The following MYH15 variants were observed in gnomAD, a reference collection of about 807,000 sequenced individuals.
MYH15 encodes the protein myosin heavy chain 15, also known as myosin-15.
Under a neutral mutation model 240.5 loss-of-function variants are expected in MYH15, and 227 were observed. The ratio of observed to expected loss-of-function variants is 0.94; its 90% CI spans 0.85 to 1.05. MYH15 has a LOEUF of 1.05. Among genes scored for constraint, MYH15 ranks in the 50% least tolerant of loss-of-function variants. MYH15 has a pLI of 0.00. For synonymous variants in MYH15, 785 were observed against 796.7 expected (o/e 0.99, Z 0.25); for missense variants, 2,217 against 2,247.5 (o/e 0.99, Z 0.27).
Position 108,492,669 on chromosome 3 carries a change from G to A in MYH15, c.776-74C>T. ...AATGTAGAAGAAAAGTAATCAGGCT[G>A]AGCGCAGTGGCTCACAACTGTAATC... On this transcript the variant is annotated intron_variant, in intron 8 of 40. Transcript: ENST00000693548. 4 of 1,064,768 alleles carry A rather than the reference G, an allele frequency of 3.8e-6. No individual in the cohort carries two copies. The South Asian group carries it at 4.2e-5, about 11-fold the overall frequency. The allele number at this position is 1,064,768 out of a possible 1,614,324, so 66.0% of individuals were successfully genotyped here. A position where few individuals can be genotyped will look rare whatever the true frequency, so the allele number is the denominator to read the frequency against.
intron 1 of MYH15, among the ~76,000 whole-genome samples, chr3:108,517,768 A>G (rs1384358112): frequency 1.3e-5 from 2 of 152,160 alleles, no homozygotes; most frequent in Non-Finnish European, 2.9e-5. Context: ...GCACCCGGCC[A>G]CCTTCTGATT....
intron 25 of MYH15, among the ~76,000 whole-genome samples, chr3:108,433,975 C>A (rs2107563699): frequency 6.6e-6 from 1 of 152,100 alleles, no homozygotes; most frequent in African/African-American, 2.4e-5. Flanking sequence ...TACATGTGTA[C>A]ATGTAGCTGT....
At chr3:108,504,980 C>T (rs1576273746) in intron 2 of MYH15, among the ~76,000 whole-genome samples, 1 of 152,192 alleles carries the variant, frequency 6.6e-6, no homozygotes, top group South Asian at 2.1e-4. Context: ...TCTTCTGTGG[C>T]ATTTGTCATT....
chr3:108,425,880 TCTG>T (rs1175075542), intron 27 of MYH15, among the ~76,000 whole-genome samples: 1 of 152,212 alleles, frequency 6.6e-6, no homozygotes, highest in Non-Finnish European at 1.5e-5. Flanking sequence ...TAAAGGCAAT[TCTG>T]CTGAGGTCTT....
At position 108,501,929 on chromosome 3, in the gene MYH15, G is replaced by A. The variant is rs965538623; in HGVS notation, c.196-74C>T. 5.3e-6 allele frequency: 8 copies of A among 1,499,090 alleles called. No individual in the cohort carries two copies. In the African/African-American group the frequency reaches 8.3e-5, roughly 16 times the overall value. The allele number at this position is 1,499,090 out of a possible 1,614,324, so 92.9% of individuals were successfully genotyped here. ...TATTCATTTTCCCATGAATTAGAAA[G>A]AATATTCAGACTCAAAAAGAAAAAA... On this transcript the variant is annotated intron_variant, in intron 2 of 40. Transcript: ENST00000693548.
At chr3:108,427,651 G>A (rs931937783) in intron 27 of MYH15, among the ~76,000 whole-genome samples, 2 of 151,248 alleles carry the variant, frequency 1.3e-5, no homozygotes, top group Non-Finnish European at 2.9e-5. Flanking sequence ...GAGAGAGAGA[G>A]AGAGAAAGAG....
chr3:108,429,136 G>A (rs1038484436), intron 26 of MYH15, among the ~76,000 whole-genome samples: 2 of 152,098 alleles, frequency 1.3e-5, no homozygotes, highest in Admixed American at 6.5e-5. Flanking sequence ...GGAAAGCTTA[G>A]TAAAGAGCAC....
At chr3:108,513,202 C>T (rs1353700929), upstream of MYH15, among the ~76,000 whole-genome samples, 1 of 152,132 alleles carries the variant, frequency 6.6e-6, no homozygotes, top group Admixed American at 6.5e-5. Flanking sequence ...GACAGAGAAA[C>T]ACAGATGAGT....
intron 15 of MYH15, among the ~76,000 whole-genome samples, chr3:108,463,918 A>T (rs914332348): frequency 6.6e-5 from 10 of 152,064 alleles, no homozygotes; most frequent in African/African-American, 2.4e-4. Context: ...AAAGGCAAGA[A>T]TGGTGAAATA....
At chr3:108,459,259 C>A (rs948616719) in intron 18 of MYH15, 103 bp downstream of exon 18, 1 of 722,824 alleles carries the variant, frequency 1.4e-6, no homozygotes, top group Non-Finnish European at 2.2e-6. Context: ...GAAATTCTAC[C>A]CTTATATAAA....
intron 11 of MYH15, among the ~76,000 whole-genome samples, chr3:108,477,384 C>A (rs990097827): frequency 1.3e-5 from 2 of 152,046 alleles, no homozygotes; most frequent in Non-Finnish European, 2.9e-5. Flanking sequence ...ATAAAATGTT[C>A]CGGAATTAGA....
chr3:108,404,410 A>G (rs972492184), intron 33 of MYH15, among the ~76,000 whole-genome samples: 1 of 152,192 alleles, frequency 6.6e-6, no homozygotes. Context: ...TTGCTGACAT[A>G]TGGCATTGAC....
intron 38 of MYH15, among the ~76,000 whole-genome samples, chr3:108,387,950 A>C (rs2082396115): frequency 2.0e-5 from 3 of 152,266 alleles, no homozygotes; most frequent in Admixed American, 2.0e-4. Flanking sequence ...CATCTTTAAC[A>C]ACTCAGCCTC....
chr3:108,454,060 G>T lies in MYH15; in HGVS notation c.2345C>A (p.Ala782Asp). The T allele has an allele frequency of 6.2e-7, 1 of 1,613,032 alleles. No homozygotes were observed. The highest frequency in any genetic ancestry group is 8.5e-7 in the Non-Finnish European group (1 of 1,179,370). Residue 782 changes from alanine to aspartate, a missense_variant, in exon 21 of 41, where the codon GCC (alanine) becomes GAC (aspartate). By Grantham distance (126) the Ala-to-Asp change is moderately radical (BLOSUM62 -2). Coordinates refer to ENST00000693548, the MANE Select transcript of MYH15 (RefSeq NM_014981.3). ...TCGCATCAGTTTGCCCTGTGCTCTG[G>T]CTTGGAACAATGTGAAGACTTTAGA... ...RLSKVFTLFQ[A>D]RAQGKLMRIK...
chr3:108,534,859 TGA>T, the MYH15 span, among the ~76,000 whole-genome samples: 1 of 151,968 alleles, frequency 6.6e-6, no homozygotes, highest in Non-Finnish European at 1.5e-5. Context: ...CTAGCCAGGG[TGA>T]GAGTGAAACA....
intron 9 of MYH15, among the ~76,000 whole-genome samples, chr3:108,490,894 T>C (rs2083340475): frequency 6.6e-6 from 1 of 152,064 alleles, no homozygotes; most frequent in African/African-American, 2.4e-5. Flanking sequence ...TGGTTTTTTT[T>C]TTTTCTTTTT....
intron 9 of MYH15, among the ~76,000 whole-genome samples, chr3:108,490,655 C>A (rs2083338940): frequency 6.6e-6 from 1 of 152,172 alleles, no homozygotes; most frequent in South Asian, 2.1e-4. Context: ...GACCTTTGTA[C>A]TCACTGTTCC....
chr3:108,542,423 T>C, the MYH15 span, among the ~76,000 whole-genome samples: 1 of 152,224 alleles, frequency 6.6e-6, no homozygotes, highest in African/African-American at 2.4e-5. Flanking sequence ...CTTTCAAGTG[T>C]TCTATAGTTT....
At chr3:108,551,021 T>G in the MYH15 span, 1 of 419,174 alleles carries the variant, frequency 2.4e-6, no homozygotes, top group Non-Finnish European at 4.0e-6. Context: ...GATCAGGGTC[T>G]TTACTAAATT....
Sources: gnomAD v4.1 joint callset for allele counts (sites outside exome capture counted in the v4.1 genomes callset) on GRCh38, gnomAD v4.1.1 for gene constraint, MANE v1.5 for transcripts, NCBI Gene and HGNC (gene_info 2026-07-23, HGNC 2026-07-21) for gene names.